Variants in CCBE1 observed in about 807,000 individuals in gnomAD.
CCBE1 encodes the protein collagen and calcium-binding EGF domain-containing protein 1.
In CCBE1, 37 loss-of-function variants were observed where a neutral mutation model predicts 50.0. The observed-to-expected ratio is 0.74, with a 90% CI of 0.57 to 0.97. The LOEUF (loss-of-function observed/expected upper bound fraction) is 0.97. Among genes scored for constraint, CCBE1 ranks in the 50% least tolerant of loss-of-function variants. The pLI, the probability that CCBE1 is intolerant of heterozygous loss-of-function variation, is 0.00. For synonymous variants in CCBE1, 234 were observed against 203.7 expected, an observed-to-expected ratio of 1.15 and a Z score of -1.27; for missense variants, 538 against 523.8, an observed-to-expected ratio of 1.03 and a Z score of -0.26.
At position 59,439,750 on chromosome 18, in the gene CCBE1, G is replaced by A; in HGVS notation, c.842C>T (p.Pro281Leu). 1 of 1,614,236 alleles carries A rather than the reference G, an allele frequency of 6.2e-7. No homozygotes were observed. Among genetic ancestry groups the A allele is most frequent in the Non-Finnish European group, 8.5e-7 (1 of 1,180,034 alleles). ...GMPGPPGQPG[P>L]RGSMGPMGPS... ...TCCCATGGGTCCCATTGAGCCCCGTGGGCCGGGCTGCCCAGGAGGGCCTGG... is the reference window on the plus strand; with the variant it reads ...TCCCATGGGTCCCATTGAGCCCCGTAGGCCGGGCTGCCCAGGAGGGCCTGG... Residue 281 changes from proline (P) to leucine (L), a missense_variant, in exon 8 of 11, where the codon CCA becomes CTA. Coordinates refer to ENST00000439986, the MANE Select transcript of CCBE1 (RefSeq NM_133459.4).
chr18:59,681,853 A>T (rs2054592524), intron 2 of CCBE1, among the ~76,000 whole-genome samples: 1 of 152,228 alleles, frequency 6.6e-6, no homozygotes, highest in South Asian at 2.1e-4. Context: ...CTCAGTCGAG[A>T]TGATCACCCT....
intron 2 of CCBE1, among the ~76,000 whole-genome samples, chr18:59,507,320 C>A (rs1036703245): frequency 6.6e-6 from 1 of 152,214 alleles, no homozygotes; most frequent in African/African-American, 2.4e-5. Context: ...ACAACTGCCA[C>A]TACCTGTGTC....
chr18:59,484,193 A>G (rs1000585759), intron 2 of CCBE1, among the ~76,000 whole-genome samples: 7 of 152,228 alleles, frequency 4.6e-5, no homozygotes, highest in Non-Finnish European at 1.0e-4. Context: ...TTTTACGGTT[A>G]TTCCTTACTC....
intron 2 of CCBE1, among the ~76,000 whole-genome samples, chr18:59,583,159 A>G (rs2053111483): frequency 6.6e-6 from 1 of 152,182 alleles, no homozygotes; most frequent in Non-Finnish European, 1.5e-5. Flanking sequence ...CCTGTGTTGG[A>G]TTCATCACCT....
intron 2 of CCBE1, among the ~76,000 whole-genome samples, chr18:59,604,373 G>A (rs1347102541): frequency 6.6e-6 from 1 of 152,214 alleles, no homozygotes; most frequent in Non-Finnish European, 1.5e-5. Context: ...CCATTAGGCT[G>A]CATCATCTTC....
At chr18:59,526,378 C>T (rs139557275) in intron 2 of CCBE1, among the ~76,000 whole-genome samples, 3,430 of 150,170 alleles carry the variant, frequency 0.023, 121 homozygotes, top group African/African-American at 0.08. Context: ...GGCACCATCT[C>T]GGCTCACTGC....
chr18:59,448,186 A>G, intron 6 of CCBE1, 83 bp from the exon 7 acceptor site: 1 of 1,587,986 alleles, frequency 6.3e-7, no homozygotes, highest in South Asian at 1.1e-5. Flanking sequence ...GAAGCTGCAA[A>G]GCCTTTTCAT....
intron 3 of CCBE1, among the ~76,000 whole-genome samples, chr18:59,473,894 C>T (rs1449440934): frequency 2.6e-5 from 4 of 151,944 alleles, no homozygotes; most frequent in East Asian, 1.9e-4. Context: ...ACTATTTCCT[C>T]CCCCTACTAC....
intron 2 of CCBE1, among the ~76,000 whole-genome samples, chr18:59,547,764 T>C (rs922242936): frequency 3.3e-5 from 5 of 152,190 alleles, no homozygotes; most frequent in Admixed American, 6.5e-5. Flanking sequence ...TCCAGTGGTG[T>C]GGGCTACGTC....
chr18:59,573,341 C>T (rs917444327), intron 2 of CCBE1, among the ~76,000 whole-genome samples: 8 of 137,322 alleles, frequency 5.8e-5, no homozygotes, highest in Non-Finnish European at 1.3e-4. Flanking sequence ...AGTTGAAGAC[C>T]TTAAGAGCAA....
intron 2 of CCBE1, among the ~76,000 whole-genome samples, chr18:59,501,282 C>CTGG: frequency 6.6e-6 from 1 of 152,194 alleles, no homozygotes; most frequent in Non-Finnish European, 1.5e-5. Context: ...TCCATAGGGA[C>CTGG]AGCACATCTC....
intron 2 of CCBE1, among the ~76,000 whole-genome samples, chr18:59,500,564 C>T (rs529181090): frequency 6.6e-6 from 1 of 152,278 alleles, no homozygotes; most frequent in East Asian, 1.9e-4. Flanking sequence ...TGACACCCTC[C>T]AAAGTCCCCA....
At chr18:59,495,817 A>G (rs1288465720) in intron 2 of CCBE1, among the ~76,000 whole-genome samples, 1 of 151,960 alleles carries the variant, frequency 6.6e-6, no homozygotes, top group African/African-American at 2.4e-5. Flanking sequence ...CTGGTTCTCC[A>G]GGCAACTGCC....
chr18:59,570,808 T>C (rs186126395), intron 2 of CCBE1, among the ~76,000 whole-genome samples: 1,601 of 152,274 alleles, frequency 0.011, 15 homozygotes, highest in Non-Finnish European at 0.014. Flanking sequence ...CAGAGCAGAA[T>C]CCCAGCACAC....
rs1914486441 is a variant in CCBE1 at position 59,518,944 on chromosome 18, C to CA, written c.213-38707dup. Among the ~76,000 whole-genome samples, 3 of 152,312 alleles carry CA rather than the reference C, an allele frequency of 2.0e-5. No individual in the cohort carries two copies. The East Asian group carries it at 5.8e-4, about 29-fold the overall frequency. On this transcript the variant is annotated intron_variant, in intron 2 of 10. Coordinates refer to ENST00000439986, the MANE Select transcript of CCBE1 (RefSeq NM_133459.4). Reference sequence around the variant, plus strand: ...AACTTTATATGATTCCCAGAGTTCCCAGCTGGATTAAGCTCCAGAAACCCA... The same window carrying CA: ...AACTTTATATGATTCCCAGAGTTCCCAAGCTGGATTAAGCTCCAGAAACCCA...
chr18:59,610,087 A>G (rs116744515), intron 2 of CCBE1, among the ~76,000 whole-genome samples: 2,629 of 152,304 alleles, frequency 0.017, 86 homozygotes, highest in African/African-American at 0.061. Flanking sequence ...GAAAAATACT[A>G]CTCTGTCACT....
intron 2 of CCBE1, among the ~76,000 whole-genome samples, chr18:59,488,597 C>G (rs918846348): frequency 1.3e-5 from 2 of 152,174 alleles, no homozygotes; most frequent in African/African-American, 4.8e-5. Context: ...TCCTCAAAAA[C>G]CAGAAGACCT....
chr18:59,452,081 G>A (rs1188121365), intron 6 of CCBE1, among the ~76,000 whole-genome samples: 2 of 152,178 alleles, frequency 1.3e-5, no homozygotes, highest in Non-Finnish European at 2.9e-5. Context: ...CAGACTGCCG[G>A]AACCCAGGGC....
chr18:59,448,124 C>T, intron 6 of CCBE1, 21 bp from the exon 7 acceptor site: 7 of 1,613,434 alleles, frequency 4.3e-6, no homozygotes, highest in Non-Finnish European at 5.9e-6. Flanking sequence ...AAGAGGAAGC[C>T]TCAGTCAGGA....
Sources: gnomAD v4.1 joint callset for allele counts (sites outside exome capture counted in the v4.1 genomes callset) on GRCh38, gnomAD v4.1.1 for gene constraint, MANE v1.5 for transcripts, NCBI Gene and HGNC (gene_info 2026-07-23, HGNC 2026-07-21) for gene names.